DLG2: variants seen among roughly 807,000 people sequenced by gnomAD.
The protein encoded by DLG2 is disks large homolog 2.
DLG2 carries 45 observed loss-of-function variants against 132.5 expected under a neutral mutation model. The observed-to-expected ratio is 0.34, with a 90% CI of 0.27 to 0.44. The LOEUF (loss-of-function observed/expected upper bound fraction) is 0.44, where lower values mean the gene tolerates loss of function less well. DLG2 is among the 20% of genes least tolerant of loss of function. The pLI is 1.00. For synonymous variants in DLG2, 424 were observed against 419.6 expected (o/e 1.01, Z -0.13); for missense variants, 1,045 against 1,196.9 (o/e 0.87, Z 1.87).
chr11:85,252,657 G>C (rs1441703139), intron 4 of DLG2, among the ~76,000 whole-genome samples: 2 of 152,096 alleles, frequency 1.3e-5, no homozygotes, highest in Non-Finnish European at 2.9e-5. Flanking sequence ...AAGTGAATTT[G>C]CACAAGTGAA....
chr11:83,507,444 G>GTATATATATACAAATATATATACCC (rs2094764141), intron 21 of DLG2, among the ~76,000 whole-genome samples: 5 of 140,072 alleles, frequency 3.6e-5, no homozygotes, highest in African/African-American at 1.1e-4. Flanking sequence ...ATATATATCT[G>GTATATATATACAAATATATATACCC]TATATATATA....
intron 6 of DLG2, among the ~76,000 whole-genome samples, chr11:84,698,092 G>T (rs981639066): frequency 6.6e-6 from 1 of 151,458 alleles, no homozygotes; most frequent in Non-Finnish European, 1.5e-5. Context: ...TATTCTAAAT[G>T]TGTCTGGGGA....
At chr11:84,350,295 A>G (rs2098558060) in intron 7 of DLG2, among the ~76,000 whole-genome samples, 1 of 152,082 alleles carries the variant, frequency 6.6e-6, no homozygotes, top group African/African-American at 2.4e-5. Context: ...GAACCTCTTG[A>G]AATTACATTT....
chr11:85,047,813 A>G (rs975721745), intron 6 of DLG2, among the ~76,000 whole-genome samples: 3 of 151,996 alleles, frequency 2.0e-5, no homozygotes, highest in Non-Finnish European at 4.4e-5. Context: ...TTAAGGACAT[A>G]TCCTAAATAC....
At chr11:84,334,897 A>C (rs944266741) in intron 7 of DLG2, among the ~76,000 whole-genome samples, 3 of 152,194 alleles carry the variant, frequency 2.0e-5, no homozygotes, top group African/African-American at 7.2e-5. Flanking sequence ...GATGTCTATG[A>C]AAGTAAAATC....
chr11:84,560,223 T>C (rs754515140), intron 6 of DLG2, among the ~76,000 whole-genome samples: 4 of 152,128 alleles, frequency 2.6e-5, no homozygotes, highest in Non-Finnish European at 5.9e-5. Flanking sequence ...TAGCCAATGT[T>C]CTCAAATGAA....
chr11:84,136,205 C>G (rs2094595680), intron 9 of DLG2, among the ~76,000 whole-genome samples: 1 of 152,080 alleles, frequency 6.6e-6, no homozygotes, highest in Non-Finnish European at 1.5e-5. Flanking sequence ...GTTTCTTCAT[C>G]TGTATAATGG....
chr11:84,091,761 C>T (rs933029304), intron 10 of DLG2, among the ~76,000 whole-genome samples: 1 of 152,148 alleles, frequency 6.6e-6, no homozygotes, highest in Non-Finnish European at 1.5e-5. Context: ...TTTGGTATCA[C>T]GAGGCTGCAT....
intron 6 of DLG2, among the ~76,000 whole-genome samples, chr11:84,968,018 A>C (rs946045226): frequency 6.6e-6 from 1 of 152,166 alleles, no homozygotes; most frequent in African/African-American, 2.4e-5. Flanking sequence ...ACTTTTAGAC[A>C]ATCATGTTAA....
intron 3 of DLG2, among the ~76,000 whole-genome samples, chr11:85,523,458 T>C (rs1375237784): frequency 6.6e-6 from 1 of 152,044 alleles, no homozygotes; most frequent in African/African-American, 2.4e-5. Context: ...GACATACAAA[T>C]AGGCAAACAA....
intron 6 of DLG2, among the ~76,000 whole-genome samples, chr11:84,813,951 G>A (rs971366344): frequency 6.6e-6 from 1 of 152,048 alleles, no homozygotes; most frequent in African/African-American, 2.4e-5. Flanking sequence ...AGAGCCAGAA[G>A]CTGTAACAGA....
intron 6 of DLG2, among the ~76,000 whole-genome samples, chr11:84,846,882 T>C (rs2081543188): frequency 6.6e-6 from 1 of 152,132 alleles, no homozygotes; most frequent in South Asian, 2.1e-4. Flanking sequence ...CATATCTATA[T>C]ATGTGAGATT....
intron 6 of DLG2, among the ~76,000 whole-genome samples, chr11:84,918,408 T>C (rs1487802391): frequency 2.0e-5 from 3 of 152,112 alleles, no homozygotes; most frequent in African/African-American, 7.2e-5. Flanking sequence ...TCTTCGAAGA[T>C]AGATATAGAC....
Position 83,607,046 on chromosome 11 carries a change from C to T in DLG2, c.1940+26165G>A, listed in dbSNP as rs552332523. ...CTGAGACACAGCGGGCTCAGAGACT[C>T]TAGCGCAGCCACATGGTGGCATAAG... On this transcript the variant is annotated intron_variant, in intron 19 of 27. Transcript: ENST00000376104. Among the ~76,000 whole-genome samples the T allele has an allele frequency of 1.9e-4, 29 of 152,332 alleles. 1 individual carries two copies. In the South Asian group the frequency reaches 5.8e-3, roughly 30 times the overall value.
At chr11:84,645,801 G>C (rs2099674196) in intron 6 of DLG2, among the ~76,000 whole-genome samples, 1 of 152,120 alleles carries the variant, frequency 6.6e-6, no homozygotes, top group Admixed American at 6.5e-5. Context: ...TGCATAGAGT[G>C]GCTAGCACCA....
intron 4 of DLG2, among the ~76,000 whole-genome samples, chr11:85,163,137 G>A (rs2078165696): frequency 6.6e-6 from 1 of 151,876 alleles, no homozygotes; most frequent in South Asian, 2.1e-4. Flanking sequence ...TGGCTTTCCT[G>A]TAGACAACCT....
In DLG2 at chr11:83,970,736, A is replaced by T. The variant is rs553125720; in HGVS notation, c.1057-5268T>A. ...TGGCCTATATAAAGTGACAGGCACA[A>T]TACAGTTCTTAATGTTAGCTCTTAT... On this transcript the variant is annotated intron_variant, in intron 12 of 27. Transcript: ENST00000376104. 5.9e-5 allele frequency among the ~76,000 whole-genome samples: 9 copies of T among 152,326 alleles called. No homozygotes were observed. The South Asian group carries it at 1.7e-3, about 28-fold the overall frequency.
chr11:85,373,901 G>A (rs1024682736), intron 3 of DLG2, among the ~76,000 whole-genome samples: 8 of 152,068 alleles, frequency 5.3e-5, no homozygotes, highest in African/African-American at 1.9e-4. Context: ...ACTCTGAAAG[G>A]ATATCTGAGT....
intron 4 of DLG2, among the ~76,000 whole-genome samples, chr11:85,239,875 ACT>A (rs1365422797): frequency 6.9e-6 from 1 of 145,336 alleles, no homozygotes; most frequent in African/African-American, 2.5e-5. Context: ...TATGTTTCAA[ACT>A]CTACAAAATC....
Sources: gnomAD v4.1 joint callset for allele counts (sites outside exome capture counted in the v4.1 genomes callset) on GRCh38, gnomAD v4.1.1 for gene constraint, MANE v1.5 for transcripts, NCBI Gene and HGNC (gene_info 2026-07-23, HGNC 2026-07-21) for gene names.